AMZ2: variants seen among roughly 807,000 people sequenced by gnomAD.
AMZ2 encodes archaemetzincin-2.
In AMZ2, 26 loss-of-function variants were observed where a neutral mutation model predicts 36.7. The ratio of observed to expected loss-of-function variants is 0.71; its 90% CI spans 0.52 to 0.98. AMZ2 has a LOEUF of 0.98. Ranked by LOEUF, AMZ2 falls within the 50% of genes least tolerant of loss-of-function variation. The pLI is 0.00. For synonymous variants in AMZ2, 144 were observed against 149.1 expected, an observed-to-expected ratio of 0.97 and a Z score of 0.25; for missense variants, 394 against 430.5, an observed-to-expected ratio of 0.92 and a Z score of 0.75.
chr17:68,224,305 A>G (rs2073454123), intron 1 of AMZ2, among the ~76,000 whole-genome samples: 1 of 152,162 alleles, frequency 6.6e-6, no homozygotes, highest in South Asian at 2.1e-4. Flanking sequence ...TCTTTAAGGA[A>G]TGAGAGTAGG....
At chr17:68,216,938 CAGG>C (rs2073211197) in intron 1 of AMZ2, among the ~76,000 whole-genome samples, 1 of 150,546 alleles carries the variant, frequency 6.6e-6, no homozygotes, top group Non-Finnish European at 1.5e-5. Flanking sequence ...GAGGCTGAAG[CAGG>C]AGAATGGTGT....
chr17:68,242,204 CAG>C (rs1168620441), intron 1 of AMZ2, among the ~76,000 whole-genome samples: 2 of 152,076 alleles, frequency 1.3e-5, no homozygotes, highest in African/African-American at 4.8e-5. Context: ...GGCGGAAAGA[CAG>C]AGGCAGGGAA....
intron 1 of AMZ2, among the ~76,000 whole-genome samples, chr17:68,218,034 G>C (rs112756919): frequency 1.3e-5 from 2 of 151,908 alleles, no homozygotes; most frequent in Admixed American, 1.3e-4. Context: ...GGATGGTCTC[G>C]ATCTCCTGAC....
chr17:68,246,195 C>CAAAAAAAAAAAAAAAAAAAAAA (rs57477453), upstream of AMZ2, among the ~76,000 whole-genome samples: 7 of 83,824 alleles, frequency 8.4e-5, no homozygotes, highest in Non-Finnish European at 1.1e-4. Context: ...ACTAAAAATA[C>CAAAAAAAAAAAAAAAAAAAAAA]AAAAAAAAAA....
chr17:68,210,510 G>A (rs1267529161), intron 1 of AMZ2, among the ~76,000 whole-genome samples: 2 of 152,200 alleles, frequency 1.3e-5, no homozygotes, highest in African/African-American at 4.8e-5. Flanking sequence ...GTAGAAGGGT[G>A]ATTACTGTAG....
At chr17:68,212,059 T>C (rs1374678587) in intron 1 of AMZ2, among the ~76,000 whole-genome samples, 4 of 152,098 alleles carry the variant, frequency 2.6e-5, no homozygotes, top group African/African-American at 9.7e-5. Context: ...TTGCTGATTT[T>C]CTTTTGATTT....
At chr17:68,229,982 G>A (rs1200020682) in intron 1 of AMZ2, among the ~76,000 whole-genome samples, 2 of 152,332 alleles carry the variant, frequency 1.3e-5, no homozygotes, top group African/African-American at 2.4e-5. Flanking sequence ...GACTACAAAT[G>A]TGGAATCCAC....
chr17:68,229,461 C>G (rs1270186822), intron 1 of AMZ2, among the ~76,000 whole-genome samples: 9 of 152,218 alleles, frequency 5.9e-5, no homozygotes, highest in African/African-American at 2.2e-4. Flanking sequence ...ACCTGTCTGG[C>G]TGGAAGGCAC....
chr17:68,226,572 C>A (rs1236757165), intron 1 of AMZ2, among the ~76,000 whole-genome samples: 3 of 152,240 alleles, frequency 2.0e-5, no homozygotes, highest in Non-Finnish European at 4.4e-5. Flanking sequence ...TGGACCTATT[C>A]TGGTCAAGTG....
chr17:68,213,958 T>TA (rs1319654967), intron 1 of AMZ2, among the ~76,000 whole-genome samples: 1 of 151,886 alleles, frequency 6.6e-6, no homozygotes, highest in Non-Finnish European at 1.5e-5. Flanking sequence ...AATCTTCCTT[T>TA]AAAAAAATTA....
intron 1 of AMZ2, among the ~76,000 whole-genome samples, chr17:68,231,888 T>C (rs2144602524): frequency 6.6e-6 from 1 of 152,238 alleles, no homozygotes; most frequent in East Asian, 1.9e-4. Context: ...TTAATGTAGG[T>C]ATATCCCATG....
At position 68,257,087 on chromosome 17, in the gene AMZ2, A is replaced by G. The variant is rs147859934; in HGVS notation, c.*118A>G. The G allele has an allele frequency of 7.4e-4, 791 of 1,065,452 alleles. 11 individuals are homozygous for G. In the East Asian group the frequency reaches 0.02, roughly 27 times the overall value. The allele number at this position is 1,065,452 out of a possible 1,614,324, so 66.0% of individuals were successfully genotyped here. On this transcript the variant is annotated 3_prime_UTR_variant, in exon 7 of 7. Transcript: ENST00000359904. Reference sequence around the variant, plus strand: ...TTGTGCTGTGTCAAAGTAACAGACTAGAACCTTCTTTCAAGTACCTGAATT... The same window carrying G: ...TTGTGCTGTGTCAAAGTAACAGACTGGAACCTTCTTTCAAGTACCTGAATT...
intron 1 of AMZ2, among the ~76,000 whole-genome samples, chr17:68,209,207 T>TA (rs61366412): frequency 0.071 from 10,759 of 151,908 alleles, 610 homozygotes; most frequent in East Asian, 0.29. Context: ...CTTTTTTTTT[T>TA]TTTTTTGATG....
intron 1 of AMZ2, 95 bp from the exon 2 acceptor site, chr17:68,250,093 T>C: frequency 8.2e-6 from 11 of 1,344,698 alleles, no homozygotes; most frequent in Non-Finnish European, 1.1e-5. Flanking sequence ...GTCATTTCAC[T>C]CTAGGGAGAA....
At chr17:68,253,396 A>T (rs1555740876) in intron 4 of AMZ2, among the ~76,000 whole-genome samples, 1 of 152,230 alleles carries the variant, frequency 6.6e-6, no homozygotes, top group Non-Finnish European at 1.5e-5. Flanking sequence ...AAGTCGAATT[A>T]TGAAGCAGTA....
chr17:68,217,471 T>C (rs190415269), intron 1 of AMZ2, among the ~76,000 whole-genome samples: 5 of 152,246 alleles, frequency 3.3e-5, no homozygotes, highest in Admixed American at 6.5e-5. Flanking sequence ...TGTGATATCT[T>C]GAGTATTTTT....
At position 68,256,018 on chromosome 17, in the gene AMZ2, ATG is replaced by A. The variant is rs2074881406; in HGVS notation, c.927+145_927+146del. On this transcript the variant is annotated intron_variant, in intron 6 of 6. Coordinates refer to ENST00000359904, the MANE Select transcript of AMZ2 (RefSeq NM_016627.5). ...ATAAGCAGGAAGCTGCGGTTTAAAA[ATG>A]TGAAGAAATGCTCTTCTTAAAAACT... is the stretch of plus-strand genomic sequence containing the variant. 3.3e-6 allele frequency: 3 copies of A among 915,170 alleles called. No individual in the cohort carries two copies. In the Admixed American group the frequency reaches 9.0e-5, roughly 27 times the overall value. The allele number at this position is 915,170 out of a possible 1,614,324, so 56.7% of individuals were successfully genotyped here.
chr17:68,229,280 C>G (rs1185254550), intron 1 of AMZ2, among the ~76,000 whole-genome samples: 3 of 152,128 alleles, frequency 2.0e-5, no homozygotes, highest in African/African-American at 7.2e-5. Context: ...TGGGGAAGCA[C>G]AGCCGTGGCT....
Position 68,250,466 on chromosome 17 carries a change from C to T in AMZ2, c.279C>T (p.Ser93=). The T allele has an allele frequency of 6.2e-7, 1 of 1,613,730 alleles. No individual in the cohort carries two copies. Residue 93 remains serine (S), a synonymous_variant, in exon 2 of 7, where the codon TCC becomes TCT. Coordinates refer to ENST00000359904, the MANE Select transcript of AMZ2 (RefSeq NM_016627.5). Reference sequence around the variant, plus strand: ...ACAAACGCAGCATTTATATACAGTCCATTGGTAAATACTGGTAATGTGCTG... The same window carrying T: ...ACAAACGCAGCATTTATATACAGTCTATTGGTAAATACTGGTAATGTGCTG... ...SPNKRSIYIQ[S]IGSLGNTRII...
Sources: gnomAD v4.1 joint callset for allele counts (sites outside exome capture counted in the v4.1 genomes callset) on GRCh38, gnomAD v4.1.1 for gene constraint, MANE v1.5 for transcripts, NCBI Gene and HGNC (gene_info 2026-07-23, HGNC 2026-07-21) for gene names.